RNF115: variants seen among roughly 807,000 people sequenced by gnomAD.
The protein encoded by RNF115 is ring finger protein 115.
RNF115 carries 31 observed loss-of-function variants against 39.2 expected under a neutral mutation model. The observed-to-expected ratio is 0.79, with a 90% CI of 0.59 to 1.07. RNF115 has a LOEUF of 1.07. Ranked by LOEUF, RNF115 falls within the 50% of genes least tolerant of loss-of-function variation. The pLI is 0.00. For synonymous variants in RNF115, 124 were observed against 131.0 expected, an observed-to-expected ratio of 0.95 and a Z score of 0.37; for missense variants, 384 against 381.7, an observed-to-expected ratio of 1.01 and a Z score of -0.05.
chr1:145,761,897 G>A (rs1658548777), intron 4 of RNF115, among the ~76,000 whole-genome samples: 1 of 152,172 alleles, frequency 6.6e-6, no homozygotes, highest in South Asian at 2.1e-4. Flanking sequence ...AAGCTACAGG[G>A]GTGGAGCTGC....
chr1:145,800,128 C>T (rs1019673464), intron 1 of RNF115, among the ~76,000 whole-genome samples: 1 of 152,082 alleles, frequency 6.6e-6, no homozygotes, highest in Non-Finnish European at 1.5e-5. Flanking sequence ...GAAACATAGT[C>T]GGGTGAAGAA....
At chr1:145,805,155 G>T (rs141090176) in intron 1 of RNF115, among the ~76,000 whole-genome samples, 8 of 152,208 alleles carry the variant, frequency 5.3e-5, no homozygotes, top group African/African-American at 1.9e-4. Context: ...CGAAATAAAA[G>T]TAATACTTGG....
intron 1 of RNF115, among the ~76,000 whole-genome samples, chr1:145,814,263 A>G (rs1553723116): frequency 1.3e-5 from 2 of 151,882 alleles, no homozygotes; most frequent in Non-Finnish European, 2.9e-5. Flanking sequence ...CTGTCTCCAA[A>G]AAAAAGATAA....
rs149148509 is a variant in RNF115, at chr1:145,798,844, G to A, written c.103-9878C>T. 7.2e-4 allele frequency among the ~76,000 whole-genome samples: 109 copies of A among 152,186 alleles called. 2 individuals are homozygous for A. The East Asian group carries it at 0.019, about 27-fold the overall frequency. ...GTATGCTCTTTAATTCTTTTCAGCAGTATTTTACGGTTTTTAATATTCAAA... is the reference window on the plus strand; with the variant it reads ...GTATGCTCTTTAATTCTTTTCAGCAATATTTTACGGTTTTTAATATTCAAA... On this transcript the variant is annotated intron_variant, in intron 1 of 8. Coordinates refer to ENST00000582693, the MANE Select transcript of RNF115 (RefSeq NM_014455.4).
chr1:145,787,666 C>T (rs1648451662), intron 2 of RNF115, among the ~76,000 whole-genome samples: 1 of 151,046 alleles, frequency 6.6e-6, no homozygotes, highest in Non-Finnish European at 1.5e-5. Flanking sequence ...GCAGGCGGAT[C>T]ACTTGAGGTC....
At chr1:145,755,468 G>C (rs1658261939) in intron 4 of RNF115, among the ~76,000 whole-genome samples, 1 of 152,068 alleles carries the variant, frequency 6.6e-6, no homozygotes, top group African/African-American at 2.4e-5. Context: ...ATGAAATCCT[G>C]GGCCAGAACC....
At position 145,823,784 on chromosome 1, in the gene RNF115, G is replaced by C. The variant is rs1650433694; in HGVS notation, c.90C>G (p.Ser30Arg). ...FFCHFCKGEV[S>R]PKLPEYICPR... ...ACAGCGCTCTTACCGGTAGTTTGGG[G>C]CTGACCTCGCCCTTGCAAAAGTGGC... Residue 30 changes from serine to arginine, a missense_variant, in exon 1 of 9, where the codon AGC becomes AGG. By Grantham distance (110) the Ser-to-Arg change is moderately radical. Coordinates refer to ENST00000582693, the MANE Select transcript of RNF115 (RefSeq NM_014455.4). 6.3e-7 allele frequency: 1 copy of C among 1,579,828 alleles called. No individual in the cohort carries two copies. The highest frequency in any genetic ancestry group is 8.6e-7 in the Non-Finnish European group (1 of 1,166,328).
At chr1:145,754,179 T>G (rs1384770116) in intron 4 of RNF115, among the ~76,000 whole-genome samples, 1 of 152,230 alleles carries the variant, frequency 6.6e-6, no homozygotes, top group African/African-American at 2.4e-5. Flanking sequence ...TATTTATTTT[T>G]AACTGACAAA....
chr1:145,774,599 C>A (rs1404195513), intron 3 of RNF115, among the ~76,000 whole-genome samples: 1 of 152,146 alleles, frequency 6.6e-6, no homozygotes, highest in East Asian at 1.9e-4. Flanking sequence ...GATCCGCCCA[C>A]CTCGGCCTCC....
chr1:145,821,569 ATCC>A (rs1319160620), intron 1 of RNF115, among the ~76,000 whole-genome samples: 8 of 82,006 alleles, frequency 9.8e-5, no homozygotes, highest in Admixed American at 8.6e-4. Context: ...GGGTCAGGCA[ATCC>A]TCCTACCTCA....
chr1:145,788,621 T>C (rs1481037967), intron 2 of RNF115: 2 of 499,370 alleles, frequency 4.0e-6, no homozygotes, highest in Non-Finnish European at 7.6e-6. Flanking sequence ...CCAGATTTAC[T>C]CTGACATGCG....
intron 2 of RNF115, among the ~76,000 whole-genome samples, chr1:145,786,436 T>C (rs1346120382): frequency 2.0e-5 from 3 of 152,206 alleles, no homozygotes; most frequent in African/African-American, 7.2e-5. Context: ...TCGTCTTTCA[T>C]TTAAAACACT....
At chr1:145,787,700 A>G (rs914499580) in intron 2 of RNF115, among the ~76,000 whole-genome samples, 1 of 152,118 alleles carries the variant, frequency 6.6e-6, no homozygotes, top group African/African-American at 2.4e-5. Flanking sequence ...CAGCCTGGCC[A>G]ACACGGCAAA....
At position 145,796,227 on chromosome 1, in the gene RNF115, G is replaced by C. The variant is rs1648969833; in HGVS notation, c.103-7261C>G. On this transcript the variant is annotated intron_variant, in intron 1 of 8. Coordinates refer to ENST00000582693, the MANE Select transcript of RNF115 (RefSeq NM_014455.4). ...TCCCATGATTTCCAGCTATGTTAAG[G>C]GTCCACCCCTTCACTCTAAGAGCTC... Among the ~76,000 whole-genome samples, 5 of 152,048 alleles carry C rather than the reference G, an allele frequency of 3.3e-5. No homozygotes were observed. In the South Asian group the frequency reaches 1.0e-3, roughly 32 times the overall value.
At chr1:145,789,056 T>C in intron 1 of RNF115, 90 bp from the exon 2 acceptor site, 1 of 799,070 alleles carries the variant, frequency 1.3e-6, no homozygotes, top group South Asian at 1.5e-5. Context: ...GTATACAAGC[T>C]GAGGCTCTGA....
chr1:145,784,497 A>G (rs1648288626), intron 3 of RNF115, 42 bp downstream of exon 3: 2 of 1,556,750 alleles, frequency 1.3e-6, no homozygotes, highest in Non-Finnish European at 1.8e-6. Flanking sequence ...TTTAACACCT[A>G]ACCACTTCTT....
chr1:145,749,629 C>G (rs368604283), intron 7 of RNF115, among the ~76,000 whole-genome samples: 2 of 152,266 alleles, frequency 1.3e-5, no homozygotes, highest in South Asian at 4.1e-4. Context: ...TGAATCCTTT[C>G]CTTTCTGTTA....
At chr1:145,807,428 CCATT>C (rs1181275434) in intron 1 of RNF115, among the ~76,000 whole-genome samples, 1 of 152,182 alleles carries the variant, frequency 6.6e-6, no homozygotes, top group African/African-American at 2.4e-5. Flanking sequence ...TTCTCCCTAT[CCATT>C]CAATCAGCAC....
intron 3 of RNF115, among the ~76,000 whole-genome samples, chr1:145,782,062 C>T (rs1648174296): frequency 6.6e-6 from 1 of 151,998 alleles, no homozygotes; most frequent in African/African-American, 2.4e-5. Context: ...ACCACCATGC[C>T]TGGCTAATTT....
Sources: allele counts gnomAD v4.1 joint callset (sites outside exome capture counted in the v4.1 genomes callset), GRCh38; gene constraint gnomAD v4.1.1; transcripts MANE v1.5; gene names NCBI Gene and HGNC (gene_info 2026-07-23, HGNC 2026-07-21).